CDH9: variants seen among roughly 807,000 people sequenced by gnomAD.
The protein encoded by CDH9 is cadherin-9.
A neutral mutation model predicts 70.9 loss-of-function variants in CDH9; 28 were observed. The observed-to-expected ratio is 0.40, with a 90% CI of 0.29 to 0.54. The LOEUF (loss-of-function observed/expected upper bound fraction) is 0.54, where lower values mean the gene tolerates loss of function less well. CDH9 is among the 20% of genes least tolerant of loss of function. CDH9 has a pLI of 0.59. For synonymous variants in CDH9, 409 were observed against 343.1 expected (o/e 1.19, Z -2.12); for missense variants, 874 against 984.4 (o/e 0.89, Z 1.50).
chr5:26,895,361 T>C (rs1163172673), intron 7 of CDH9, among the ~76,000 whole-genome samples: 1 of 152,042 alleles, frequency 6.6e-6, no homozygotes, highest in East Asian at 1.9e-4. Flanking sequence ...TTATTTTACC[T>C]TTTGCAATAA....
chr5:26,914,320 T>C (rs1228481634), intron 3 of CDH9, among the ~76,000 whole-genome samples: 1 of 151,950 alleles, frequency 6.6e-6, no homozygotes, highest in African/African-American at 2.4e-5. Context: ...TATATGTACC[T>C]TAATCTCACA....
At chr5:26,972,696 T>A (rs779387362) in intron 2 of CDH9, among the ~76,000 whole-genome samples, 5 of 152,128 alleles carry the variant, frequency 3.3e-5, no homozygotes, top group Non-Finnish European at 7.3e-5. Flanking sequence ...ACATGAAATA[T>A]TAAAACAATT....
intron 2 of CDH9, among the ~76,000 whole-genome samples, chr5:26,980,781 C>T (rs1442400477): frequency 1.3e-5 from 2 of 148,332 alleles, no homozygotes; most frequent in South Asian, 2.1e-4. Context: ...AAAATGTCTA[C>T]TTTTTCTGAA....
At chr5:27,021,102 A>G (rs1743130661) in intron 1 of CDH9, among the ~76,000 whole-genome samples, 2 of 151,842 alleles carry the variant, frequency 1.3e-5, no homozygotes, top group African/African-American at 4.8e-5. Flanking sequence ...AAATATTATA[A>G]AATGCCAGTA....
chr5:26,927,288 C>A (rs1741360160), intron 2 of CDH9, among the ~76,000 whole-genome samples: 1 of 151,926 alleles, frequency 6.6e-6, no homozygotes, highest in Non-Finnish European at 1.5e-5. Flanking sequence ...AGATCCCCAG[C>A]TAGTATACTG....
chr5:27,016,115 C>G (rs1743042314), intron 1 of CDH9, among the ~76,000 whole-genome samples: 1 of 151,810 alleles, frequency 6.6e-6, no homozygotes, highest in African/African-American at 2.4e-5. Context: ...TTCTCCTTAA[C>G]TGTAACCATC....
At chr5:26,925,342 G>A (rs1741317910) in intron 2 of CDH9, among the ~76,000 whole-genome samples, 1 of 152,082 alleles carries the variant, frequency 6.6e-6, no homozygotes, top group Non-Finnish European at 1.5e-5. Context: ...CTGCATAAAT[G>A]TCTTCTTTTG....
chr5:27,025,252 G>A (rs751904253), intron 1 of CDH9, among the ~76,000 whole-genome samples: 3 of 152,068 alleles, frequency 2.0e-5, no homozygotes, highest in Non-Finnish European at 4.4e-5. Flanking sequence ...GTAACACGCT[G>A]ACAGATATTT....
intron 1 of CDH9, among the ~76,000 whole-genome samples, chr5:27,037,586 C>T (rs908970838): frequency 6.6e-6 from 1 of 151,914 alleles, no homozygotes; most frequent in Non-Finnish European, 1.5e-5. Flanking sequence ...TTTATTGAGA[C>T]GAGCCTACCT....
intron 2 of CDH9, among the ~76,000 whole-genome samples, chr5:26,977,483 GTGTA>G (rs10540218): frequency 0.086 from 12,089 of 141,116 alleles, 525 homozygotes; most frequent in African/African-American, 0.11. Flanking sequence ...GTGTGTGTGT[GTGTA>G]TATATATATA....
chr5:26,951,361 T>C (rs1372231787), intron 2 of CDH9, among the ~76,000 whole-genome samples: 1 of 135,490 alleles, frequency 7.4e-6, no homozygotes, highest in Non-Finnish European at 1.6e-5. Flanking sequence ...ATGCTCAGAA[T>C]AGATGTCCTA....
intron 2 of CDH9, among the ~76,000 whole-genome samples, chr5:26,987,091 C>CTTT (rs201154706): frequency 1.8e-4 from 19 of 108,236 alleles, no homozygotes; most frequent in African/African-American, 3.0e-4. Context: ...CACTTGTATT[C>CTTT]TTTTTTTTTT....
intron 2 of CDH9, among the ~76,000 whole-genome samples, chr5:26,924,128 G>C (rs10040714): frequency 2.0e-5 from 3 of 151,600 alleles, no homozygotes; most frequent in Non-Finnish European, 4.4e-5. Flanking sequence ...GTTGAAAAGA[G>C]AAACAAAATC....
chr5:26,936,536 AG>A (rs1221102100), intron 2 of CDH9, among the ~76,000 whole-genome samples: 2 of 152,158 alleles, frequency 1.3e-5, no homozygotes, highest in Admixed American at 6.6e-5. Context: ...GTTAAAGCAA[AG>A]GTAACTACAT....
chr5:26,916,495 G>A (rs528956663), intron 2 of CDH9, among the ~76,000 whole-genome samples: 5 of 151,938 alleles, frequency 3.3e-5, no homozygotes, highest in African/African-American at 1.2e-4. Context: ...TTTCCTATAT[G>A]TACCTTCCTA....
chr5:27,008,911 C>G (rs1579510253), intron 1 of CDH9, among the ~76,000 whole-genome samples: 1 of 152,154 alleles, frequency 6.6e-6, no homozygotes, highest in Non-Finnish European at 1.5e-5. Context: ...AATCTTATAA[C>G]ATCTCCACCC....
At position 26,906,721 on chromosome 5, in the gene CDH9, G is replaced by A; in HGVS notation, c.641C>T (p.Ser214Leu). 6.2e-7 allele frequency: 1 copy of A among 1,612,816 alleles called. No homozygotes were observed. Among genetic ancestry groups the A allele is most frequent in the Non-Finnish European group, 8.5e-7 (1 of 1,179,426 alleles). Residue 214 changes from serine (S) to leucine (L), a missense_variant and splice_region_variant, in exon 4 of 12, where the codon TCA (serine) becomes TTA (leucine). Ser to Leu is a moderately radical substitution (Grantham distance 145). Transcript: ENST00000231021. ...TCAGCCAAGTTTAAATGTTGTACCT[G>A]ATTCTGGGTCCACTGAAAAATATGG... Reference protein sequence around the residue: ...GQPYFSVDPESGIIKTALPDM... With the variant: ...GQPYFSVDPELGIIKTALPDM...
At chr5:26,942,310 C>A (rs576444931) in intron 2 of CDH9, among the ~76,000 whole-genome samples, 2 of 152,126 alleles carry the variant, frequency 1.3e-5, no homozygotes, top group Non-Finnish European at 2.9e-5. Flanking sequence ...GGGTCCCTCC[C>A]ACAACACATG....
At chr5:26,955,308 C>A (rs1319620700) in intron 2 of CDH9, among the ~76,000 whole-genome samples, 1 of 152,200 alleles carries the variant, frequency 6.6e-6, no homozygotes, top group African/African-American at 2.4e-5. Context: ...CTGTAACAAG[C>A]AACCACAACC....
Sources: allele counts gnomAD v4.1 joint callset (sites outside exome capture counted in the v4.1 genomes callset), GRCh38; gene constraint gnomAD v4.1.1; transcripts MANE v1.5; gene names NCBI Gene and HGNC (gene_info 2026-07-23, HGNC 2026-07-21).